The following CAB39 variants were observed in gnomAD, a reference collection of about 807,000 sequenced individuals.
The protein encoded by CAB39 is calcium-binding protein 39.
Under a neutral mutation model 40.0 loss-of-function variants are expected in CAB39, and 8 were observed. The observed-to-expected ratio is 0.20, with a 90% CI of 0.12 to 0.36. The LOEUF is 0.36. CAB39 is among the 10% of genes least tolerant of loss of function. The pLI is 1.00. For missense variants in CAB39, 270 were observed against 401.1 expected (o/e 0.67, Z 2.79); for synonymous variants, 156 against 141.6 (o/e 1.10, Z -0.72).
rs1696483673 is a variant in CAB39, at chr2:230,820,223, A to G, written c.*1519A>G. 1 of 152,512 alleles carries G rather than the reference A, an allele frequency of 6.6e-6. No homozygotes were observed. Among genetic ancestry groups the G allele is most frequent in the Non-Finnish European group, 1.5e-5 (1 of 68,054 alleles). 9.4% of individuals were successfully genotyped at this position (152,512 alleles called of 1,614,324 possible). ...GCCAGTTCAAATTCAGCATGGCTGC[A>G]GCTGATTAAGAAATTGATATGATTA... is the stretch of plus-strand genomic sequence containing the variant. On this transcript the variant is annotated 3_prime_UTR_variant, in exon 9 of 9. Coordinates refer to ENST00000258418, the MANE Select transcript of CAB39 (RefSeq NM_016289.4).
intron 6 of CAB39, among the ~76,000 whole-genome samples, chr2:230,813,354 T>G (rs372389463): frequency 6.6e-6 from 1 of 152,176 alleles, no homozygotes. Flanking sequence ...CTGTCAGTTC[T>G]TAAATTTGTG....
At chr2:230,810,199 T>C (rs1428925105) in intron 5 of CAB39, 64 bp from the exon 6 acceptor site, 1 of 727,220 alleles carries the variant, frequency 1.4e-6, no homozygotes, top group East Asian at 2.8e-5. Flanking sequence ...TGGTGTGGAA[T>C]TTAGGATTCG....
intron 2 of CAB39, among the ~76,000 whole-genome samples, chr2:230,773,992 T>C (rs997690788): frequency 6.6e-6 from 1 of 152,162 alleles, no homozygotes; most frequent in Non-Finnish European, 1.5e-5. Flanking sequence ...CTTACATCGA[T>C]ATACCACCAT....
intron 6 of CAB39, among the ~76,000 whole-genome samples, chr2:230,811,696 G>A (rs548805636): frequency 1.3e-5 from 2 of 152,318 alleles, no homozygotes; most frequent in South Asian, 2.1e-4. Context: ...ATCATCATGA[G>A]GATTAGATAA....
chr2:230,741,234 C>T (rs1373022446), intron 1 of CAB39, among the ~76,000 whole-genome samples: 1 of 152,208 alleles, frequency 6.6e-6, no homozygotes, highest in Non-Finnish European at 1.5e-5. Flanking sequence ...CCAGACACCA[C>T]ACAGGTTAGT....
chr2:230,760,369 T>C (rs1165478830), intron 2 of CAB39, among the ~76,000 whole-genome samples: 3 of 152,184 alleles, frequency 2.0e-5, no homozygotes, highest in East Asian at 3.8e-4. Context: ...TTGATTCTAA[T>C]TTATTTATTT....
intron 1 of CAB39, among the ~76,000 whole-genome samples, chr2:230,745,076 C>A (rs1694949182): frequency 6.6e-6 from 1 of 152,140 alleles, no homozygotes; most frequent in African/African-American, 2.4e-5. Flanking sequence ...TTAAGAGGAA[C>A]ATAAGTGTTT....
chr2:230,731,161 A>G (rs1283625962), intron 1 of CAB39, among the ~76,000 whole-genome samples: 1 of 152,264 alleles, frequency 6.6e-6, no homozygotes, highest in Non-Finnish European at 1.5e-5. Context: ...TGGCCAAGTG[A>G]ACAGCCAGAT....
At position 230,725,226 on chromosome 2, in the gene CAB39, G is replaced by A. The variant is rs893692994; in HGVS notation, c.-44+11996G>A. 3.1e-6 allele frequency: 5 copies of A among 1,594,274 alleles called. No individual in the cohort carries two copies. In the African/African-American group the frequency reaches 4.0e-5, roughly 13 times the overall value. ...CCACAAGTGTCTTTCAGCCATTCCCGGTAGAGGTCTTCATCTTTCTTTAGC... is the reference window on the plus strand; with the variant it reads ...CCACAAGTGTCTTTCAGCCATTCCCAGTAGAGGTCTTCATCTTTCTTTAGC... On this transcript the variant is annotated intron_variant, in intron 1 of 8. Transcript: ENST00000258418.
intron 2 of CAB39, among the ~76,000 whole-genome samples, chr2:230,774,439 A>C (rs1319083557): frequency 6.6e-6 from 1 of 152,196 alleles, no homozygotes; most frequent in Non-Finnish European, 1.5e-5. Flanking sequence ...AAAAGCGGTT[A>C]ATGTTACCAT....
At chr2:230,803,786 A>C (rs956773813) in intron 5 of CAB39, among the ~76,000 whole-genome samples, 4 of 152,252 alleles carry the variant, frequency 2.6e-5, no homozygotes, top group African/African-American at 9.6e-5. Flanking sequence ...ATGCTCATGG[A>C]TAGGAAGAAT....
At chr2:230,713,969 C>T (rs989316529) in intron 1 of CAB39, 7 of 152,446 alleles carry the variant, frequency 4.6e-5, no homozygotes, top group Admixed American at 2.0e-4. Flanking sequence ...ACTTCTGCCT[C>T]GCAGAAACCT....
chr2:230,765,510 C>G (rs960070288), intron 2 of CAB39, among the ~76,000 whole-genome samples: 1 of 152,084 alleles, frequency 6.6e-6, no homozygotes, highest in Non-Finnish European at 1.5e-5. Context: ...ATGAGAGTGG[C>G]TGCAGGTAGG....
rs548727895 is a variant in CAB39, at chr2:230,739,587, C to T, written c.-43-20372C>T. On this transcript the variant is annotated intron_variant, in intron 1 of 8. Transcript: ENST00000258418. ...TCTGCTCACCACAACCTCCGCCTCC[C>T]GGGTTCAAGCGATTCTCCTGCTTCA... 2.4e-4 allele frequency among the ~76,000 whole-genome samples: 36 copies of T among 152,338 alleles called. 1 individual carries two copies. The highest frequency in any genetic ancestry group is 4.4e-4 in the Non-Finnish European group (30 of 68,034).
intron 2 of CAB39, among the ~76,000 whole-genome samples, chr2:230,765,688 G>T (rs922312999): frequency 6.6e-6 from 1 of 152,028 alleles, no homozygotes. Flanking sequence ...CCCTGAAGGG[G>T]ACACTTGTAA....
intron 1 of CAB39, among the ~76,000 whole-genome samples, chr2:230,756,849 C>T (rs1240911786): frequency 6.6e-6 from 1 of 151,986 alleles, no homozygotes; most frequent in African/African-American, 2.4e-5. Flanking sequence ...CACGCCACCA[C>T]GCCCAGCTGA....
intron 1 of CAB39, among the ~76,000 whole-genome samples, chr2:230,737,375 C>G (rs1694804256): frequency 6.6e-6 from 1 of 152,146 alleles, no homozygotes; most frequent in Non-Finnish European, 1.5e-5. Context: ...CACCCTGTCT[C>G]CCCGCTACCC....
At chr2:230,783,004 G>A (rs974057984) in intron 2 of CAB39, among the ~76,000 whole-genome samples, 1 of 151,344 alleles carries the variant, frequency 6.6e-6, no homozygotes, top group East Asian at 1.9e-4. Flanking sequence ...TTTTGTTTTT[G>A]TTTTTAGTAG....
chr2:230,747,779 T>C (rs1398279197), intron 1 of CAB39, among the ~76,000 whole-genome samples: 1 of 152,276 alleles, frequency 6.6e-6, no homozygotes, highest in African/African-American at 2.4e-5. Context: ...GGCTGTAGTG[T>C]AATGAATTTC....
Sources: allele counts gnomAD v4.1 joint callset (sites outside exome capture counted in the v4.1 genomes callset), GRCh38; gene constraint gnomAD v4.1.1; transcripts MANE v1.5; gene names NCBI Gene and HGNC (gene_info 2026-07-23, HGNC 2026-07-21).